The following PCDHGA6 variants were observed in gnomAD, a reference collection of about 807,000 sequenced individuals.
PCDHGA6 encodes the protein protocadherin gamma-A6.
In PCDHGA6, 41 loss-of-function variants were observed where a neutral mutation model predicts 60.6. The observed-to-expected ratio is 0.68, with a 90% CI of 0.53 to 0.88. The LOEUF (loss-of-function observed/expected upper bound fraction) is 0.88. Among genes scored for constraint, PCDHGA6 ranks in the 40% least tolerant of loss-of-function variants. PCDHGA6 has a pLI of 0.00. For synonymous variants in PCDHGA6, 594 were observed against 524.4 expected, an observed-to-expected ratio of 1.13 and a Z score of -1.81; for missense variants, 1,312 against 1,203.0, an observed-to-expected ratio of 1.09 and a Z score of -1.34.
intron 1 of PCDHGA6, chr5:141,414,815 G>T (rs1437985019): frequency 2.2e-5 from 35 of 1,614,236 alleles, no homozygotes; most frequent in Non-Finnish European, 2.9e-5. Flanking sequence ...CCTCCACTCA[G>T]CAGCAACGTG....
Position 141,503,999 on chromosome 5 carries a change from C to T in PCDHGA6, c.2484-1394C>T, listed in dbSNP as rs569153055. On this transcript the variant is annotated intron_variant, in intron 2 of 3. Coordinates refer to ENST00000517434, the MANE Select transcript of PCDHGA6 (RefSeq NM_018919.3). Reference sequence around the variant, plus strand: ...AACCCTTCTTCTTACCTTACAGTCACTTAACTGTCTCTGCTGGTCTCTTCC... The same window carrying T: ...AACCCTTCTTCTTACCTTACAGTCATTTAACTGTCTCTGCTGGTCTCTTCC... 2.0e-5 allele frequency among the ~76,000 whole-genome samples: 3 copies of T among 152,286 alleles called. No individual in the cohort carries two copies. The South Asian group carries it at 6.2e-4, about 32-fold the overall frequency.
intron 1 of PCDHGA6, chr5:141,403,965 A>G: frequency 6.2e-7 from 1 of 1,613,864 alleles, no homozygotes; most frequent in Non-Finnish European, 8.5e-7. Flanking sequence ...ATTTCGGTGG[A>G]AGATGTAAAT....
intron 1 of PCDHGA6, among the ~76,000 whole-genome samples, chr5:141,437,034 C>T (rs1282216386): frequency 1.3e-5 from 2 of 152,194 alleles, no homozygotes. Context: ...AAATGGATCA[C>T]CGAAACCAGA....
chr5:141,464,725 A>G (rs538200804), intron 1 of PCDHGA6, among the ~76,000 whole-genome samples: 27 of 152,178 alleles, frequency 1.8e-4, no homozygotes, highest in African/African-American at 5.1e-4. Flanking sequence ...TCATATGTTT[A>G]AAAGCCAGTT....
At chr5:141,394,703 A>C (rs138625114) in intron 1 of PCDHGA6, 42,437 of 1,613,130 alleles carry the variant, frequency 0.026, 739 homozygotes, top group East Asian at 0.04. Flanking sequence ...GCACGGCGCG[A>C]GCCCTGCTGG....
In PCDHGA6 at chr5:141,374,408, C is replaced by T. The variant is rs769866993; in HGVS notation, c.325C>T (p.Leu109Phe). Residue 109 changes from leucine (L) to phenylalanine (F), a missense_variant, in exon 1 of 4, where the codon CTT (leucine) becomes TTT (phenylalanine). Transcript: ENST00000517434. ...GCGGTGTCTGGTGAGTTTTAACATC[C>T]TTGTCGAGGATAAACTGAATCTTTA... ...SPRCLVSFNI[L>F]VEDKLNLYPV... The T allele has an allele frequency of 6.2e-7, 1 of 1,614,034 alleles. No individual in the cohort carries two copies. The highest frequency in any genetic ancestry group is 2.2e-5 in the East Asian group (1 of 44,882).
In PCDHGA6 at chr5:141,375,190, T is replaced by C; in HGVS notation, c.1107T>C (p.Phe369=). 6.2e-7 allele frequency: 1 copy of C among 1,613,964 alleles called. No homozygotes were observed. Among genetic ancestry groups the C allele is most frequent in the South Asian group, 1.1e-5 (1 of 91,086 alleles). ...SAPPGTVIAL[F]QVFDRDSGLN... ...CTCCAGGAACAGTAATCGCCCTTTT[T>C]CAAGTGTTCGATCGAGACTCTGGCC... Residue 369 remains phenylalanine, a synonymous_variant, in exon 1 of 4, where the codon TTT becomes TTC. Transcript: ENST00000517434.
intron 1 of PCDHGA6, chr5:141,393,367 G>C: frequency 1.2e-6 from 2 of 1,613,962 alleles, no homozygotes; most frequent in Middle Eastern, 1.6e-4. Context: ...GTGCAGACTG[G>C]AGACAATGGA....
intron 1 of PCDHGA6, chr5:141,419,395 G>A: frequency 6.2e-7 from 1 of 1,613,596 alleles, no homozygotes; most frequent in Non-Finnish European, 8.5e-7. Context: ...CGCAGAGCGG[G>A]GTGGTGTTCG....
intron 1 of PCDHGA6, among the ~76,000 whole-genome samples, chr5:141,425,402 A>C (rs1288785443): frequency 6.6e-6 from 1 of 152,222 alleles, no homozygotes; most frequent in Non-Finnish European, 1.5e-5. Flanking sequence ...AAGTTCTGTT[A>C]AGGTATAACA....
chr5:141,409,541 G>A (rs1485327824), intron 1 of PCDHGA6: 5 of 1,613,852 alleles, frequency 3.1e-6, no homozygotes, highest in South Asian at 1.1e-5. Flanking sequence ...TGACATCAAC[G>A]ACAACGCCCC....
chr5:141,474,169 T>C (rs1268235616), intron 1 of PCDHGA6, among the ~76,000 whole-genome samples: 2 of 152,232 alleles, frequency 1.3e-5, no homozygotes, highest in Non-Finnish European at 2.9e-5. Context: ...GGCCTTATTA[T>C]TGAGAAAACT....
chr5:141,509,572 G>T (rs955898202), intron 3 of PCDHGA6, among the ~76,000 whole-genome samples: 24 of 152,300 alleles, frequency 1.6e-4, no homozygotes, highest in Middle Eastern at 3.4e-3. Context: ...CCTTCACAGT[G>T]CGTACAAATC....
In PCDHGA6 at chr5:141,399,858, T is replaced by G. The variant is rs1003401029; in HGVS notation, c.2424+23351T>G. On this transcript the variant is annotated intron_variant, in intron 1 of 3. Transcript: ENST00000517434. The stretch of plus-strand genomic sequence containing the variant: ...CGCTCTTCGATATGGTGCCGCGCGC[T>G]GCAGAGCCCGGCTACCTGGTGACCA... The G allele has an allele frequency of 3.7e-6, 6 of 1,612,764 alleles. No individual in the cohort carries two copies. In the African/African-American group the frequency reaches 6.7e-5, roughly 18 times the overall value.
intron 1 of PCDHGA6, chr5:141,384,357 G>A (rs1226263341): frequency 1.2e-6 from 2 of 1,613,734 alleles, no homozygotes; most frequent in African/African-American, 2.7e-5. Flanking sequence ...ATAATGCCCA[G>A]ATCACTTATT....
chr5:141,393,614 C>T (rs971778718), intron 1 of PCDHGA6: 2 of 1,613,778 alleles, frequency 1.2e-6, no homozygotes, highest in Non-Finnish European at 1.7e-6. Flanking sequence ...TAACAGCCAG[C>T]GACCCGGATG....
Position 141,491,898 on chromosome 5 carries a change from G to C in PCDHGA6, c.2425-2909G>C, listed in dbSNP as rs772673872. 9.0e-5 allele frequency: 129 copies of C among 1,428,816 alleles called. 1 individual carries two copies. In the Middle Eastern group the frequency reaches 2.0e-3, roughly 22 times the overall value. The allele number at this position is 1,428,816 out of a possible 1,614,324, so 88.5% of individuals were successfully genotyped here. On this transcript the variant is annotated intron_variant, in intron 1 of 3. Coordinates refer to ENST00000517434, the MANE Select transcript of PCDHGA6 (RefSeq NM_018919.3). The surrounding 1 kb of genome is among the most constrained non-coding windows in gnomAD (Gnocchi z 6.9). ...ATTAAGGGATGGGGCTCCGAGCACCGGGGGTGGTGGCGACTGTGGGCGAGG... is the reference window on the plus strand; with the variant it reads ...ATTAAGGGATGGGGCTCCGAGCACCCGGGGTGGTGGCGACTGTGGGCGAGG...
intron 1 of PCDHGA6, chr5:141,389,471 A>G: frequency 6.2e-7 from 1 of 1,613,210 alleles, no homozygotes; most frequent in Non-Finnish European, 8.5e-7. Flanking sequence ...TCGAACTCAC[A>G]CTGCAGGCCC....
At chr5:141,403,054 A>C in intron 1 of PCDHGA6, 1 of 1,614,062 alleles carries the variant, frequency 6.2e-7, no homozygotes, top group Middle Eastern at 1.6e-4. Flanking sequence ...TTCGCTACTC[A>C]GTGCCTGAAG....
Sources: allele counts gnomAD v4.1 joint callset (sites outside exome capture counted in the v4.1 genomes callset), GRCh38; gene constraint gnomAD v4.1.1; non-coding constraint Gnocchi (gnomAD v3.1); transcripts MANE v1.5; gene names NCBI Gene and HGNC (gene_info 2026-07-23, HGNC 2026-07-21).